Variants in PICK1 observed in about 807,000 individuals in gnomAD.
PICK1 encodes the protein protein interacting with PRKCA 1.
Under a neutral mutation model 48.9 loss-of-function variants are expected in PICK1, and 23 were observed. The observed-to-expected ratio is 0.47, with a 90% CI of 0.34 to 0.67. The LOEUF (loss-of-function observed/expected upper bound fraction) is 0.67. PICK1 is among the 30% of genes least tolerant of loss of function. The pLI, the probability that PICK1 is intolerant of heterozygous loss-of-function variation, is 0.01. For synonymous variants in PICK1, 217 were observed against 228.2 expected (o/e 0.95, Z 0.44); for missense variants, 423 against 557.1 (o/e 0.76, Z 2.42).
chr22:38,067,831 A>T, intron 5 of PICK1, 61 bp downstream of exon 5: 1 of 1,372,244 alleles, frequency 7.3e-7, no homozygotes, highest in Non-Finnish European at 1.0e-6. Flanking sequence ...CCTGGCCCAA[A>T]GGAGAAGTGC....
rs33993578 is a variant in PICK1, at chr22:38,067,307, CTTTTTTT to C, written c.283-383_283-377del. On this transcript the variant is annotated intron_variant, in intron 4 of 12. Transcript: ENST00000356976. ...CTGGCCCTTACTGGGGCTTAGGATT[CTTTTTTT>C]TTTTTTTTTTTTTGAGACAGAATCT... Among the ~76,000 whole-genome samples, 11 of 110,646 alleles carry C rather than the reference CTTTTTTT, an allele frequency of 9.9e-5. No homozygotes were observed. The East Asian group carries it at 1.3e-3, about 13-fold the overall frequency. The allele number at this position is 110,646 out of a possible 152,430, so 72.6% of individuals were successfully genotyped here.
chr22:38,075,269 C>A lies in PICK1; in HGVS notation c.*137C>A. ...GCCTGCCTCCCTGCTCCTCTGTCCT[C>A]GCACAGCGAACCTGGGCTCCTGCCC... On this transcript the variant is annotated 3_prime_UTR_variant, in exon 13 of 13. Coordinates refer to ENST00000356976, the MANE Select transcript of PICK1 (RefSeq NM_012407.4). 2 of 838,970 alleles carry A rather than the reference C, an allele frequency of 2.4e-6. No individual in the cohort carries two copies. The highest frequency in any genetic ancestry group is 3.6e-6 in the Non-Finnish European group (2 of 554,626). 52.0% of individuals were successfully genotyped at this position (838,970 alleles called of 1,614,324 possible).
At chr22:38,063,077 T>G (rs997261186) in intron 3 of PICK1, among the ~76,000 whole-genome samples, 2 of 152,230 alleles carry the variant, frequency 1.3e-5, no homozygotes, top group African/African-American at 4.8e-5. Context: ...TCTTGTCATG[T>G]ATCTCGATGA....
At chr22:38,062,888 T>G (rs566475296) in intron 3 of PICK1, among the ~76,000 whole-genome samples, 1 of 152,344 alleles carries the variant, frequency 6.6e-6, no homozygotes, top group South Asian at 2.1e-4. Flanking sequence ...GTCACATGGC[T>G]ATTGCCATTC....
chr22:38,072,454 T>G, intron 8 of PICK1, 23 bp from the exon 9 acceptor site: 1 of 1,609,478 alleles, frequency 6.2e-7, no homozygotes, highest in East Asian at 2.2e-5. Context: ...AGGGGCAGCC[T>G]TCAAGGCAAA....
At chr22:38,068,482 G>T (rs1471882391) in intron 5 of PICK1, among the ~76,000 whole-genome samples, 3 of 152,178 alleles carry the variant, frequency 2.0e-5, no homozygotes, top group Non-Finnish European at 4.4e-5. Flanking sequence ...AGGCCAAGGG[G>T]CTAAGGGCAG....
chr22:38,067,850 G>C, intron 5 of PICK1, 80 bp downstream of exon 5: 1 of 1,126,296 alleles, frequency 8.9e-7, no homozygotes, highest in Non-Finnish European at 1.4e-6. Flanking sequence ...GCCACAGCCA[G>C]CCCTGCCCTC....
chr22:38,072,007 T>C, intron 8 of PICK1: 1 of 548,344 alleles, frequency 1.8e-6, no homozygotes, highest in East Asian at 3.2e-5. Flanking sequence ...TATTTATATT[T>C]CTGACAACCT....
At chr22:38,069,971 C>T (rs930072031) in intron 6 of PICK1, among the ~76,000 whole-genome samples, 9 of 152,214 alleles carry the variant, frequency 5.9e-5, no homozygotes, top group African/African-American at 1.7e-4. Context: ...AACAACAACA[C>T]GATGCTTACA....
Position 38,057,795 on chromosome 22 carries a change from C to G in PICK1, c.-15C>G. Reference sequence around the variant, plus strand: ...GAGCTGGGCAGTTAGCCAGCCCACTCCAACTCTCGGAACCATGTTTGCAGA... The same window carrying G: ...GAGCTGGGCAGTTAGCCAGCCCACTGCAACTCTCGGAACCATGTTTGCAGA... On this transcript the variant is annotated 5_prime_UTR_variant, in exon 2 of 13. Coordinates refer to ENST00000356976, the MANE Select transcript of PICK1 (RefSeq NM_012407.4). 1 of 1,613,364 alleles carries G rather than the reference C, an allele frequency of 6.2e-7. No homozygotes were observed. The highest frequency in any genetic ancestry group is 1.1e-5 in the South Asian group (1 of 91,072).
intron 3 of PICK1, among the ~76,000 whole-genome samples, chr22:38,061,311 A>T (rs1277188163): frequency 6.6e-6 from 1 of 151,766 alleles, no homozygotes; most frequent in Admixed American, 6.6e-5. Context: ...ATTGCACTCC[A>T]GCCTGGGCAG....
intron 3 of PICK1, among the ~76,000 whole-genome samples, chr22:38,064,632 A>C (rs982266048): frequency 6.6e-6 from 1 of 152,116 alleles, no homozygotes; most frequent in African/African-American, 2.4e-5. Flanking sequence ...GTGGTAGCGC[A>C]TGCCTGTAAC....
Position 38,057,583 on chromosome 22 carries a change from A to T in PICK1, c.-62A>T. On this transcript the variant is annotated 5_prime_UTR_variant, in exon 1 of 13. Transcript: ENST00000356976. ...GCCCTGGCCTGGAGCCCCCCTTTGTACCTAGTAAGAATCACCTACCCAGCC... is the reference window on the plus strand; with the variant it reads ...GCCCTGGCCTGGAGCCCCCCTTTGTTCCTAGTAAGAATCACCTACCCAGCC... 1.7e-6 allele frequency: 1 copy of T among 594,068 alleles called. No homozygotes were observed. 36.8% of individuals were successfully genotyped at this position (594,068 alleles called of 1,614,324 possible).
upstream of PICK1, chr22:38,057,371 G>A (rs901047011): frequency 7.3e-5 from 16 of 219,080 alleles, no homozygotes; most frequent in Non-Finnish European, 1.5e-4. Context: ...TGGGGGGAAA[G>A]CCGGGACTTC....
At chr22:38,062,161 T>C (rs944105296) in intron 3 of PICK1, among the ~76,000 whole-genome samples, 5 of 152,110 alleles carry the variant, frequency 3.3e-5, no homozygotes, top group Non-Finnish European at 5.9e-5. Context: ...CCTGTTCTTG[T>C]GTTTTGAGAG....
chr22:38,059,156 C>A, intron 2 of PICK1, 78 bp from the exon 3 acceptor site: 1 of 1,021,324 alleles, frequency 9.8e-7, no homozygotes, highest in Non-Finnish European at 1.5e-6. Context: ...AGTGGAGCCC[C>A]TCAGGAGTTT....
chr22:38,068,225 AC>A, intron 5 of PICK1: 2 of 432,160 alleles, frequency 4.6e-6, no homozygotes, highest in Non-Finnish European at 9.5e-6. Flanking sequence ...TCTGAACTGG[AC>A]CTCAGGCATT....
chr22:38,068,021 G>A, intron 5 of PICK1: 1 of 612,902 alleles, frequency 1.6e-6, no homozygotes, highest in Non-Finnish European at 3.1e-6. Flanking sequence ...CTACCTCCCT[G>A]CTTCTGCCAT....
chr22:38,071,070 G>C (rs2085669890), intron 7 of PICK1, among the ~76,000 whole-genome samples, 179 bp downstream of exon 7: 1 of 152,220 alleles, frequency 6.6e-6, no homozygotes, highest in Non-Finnish European at 1.5e-5. Context: ...TCAGGGGCCT[G>C]GTGCAGTGGC....
Sources: allele counts gnomAD v4.1 joint callset (sites outside exome capture counted in the v4.1 genomes callset), GRCh38; gene constraint gnomAD v4.1.1; transcripts MANE v1.5; gene names NCBI Gene and HGNC (gene_info 2026-07-23, HGNC 2026-07-21).